RILPL2: variants seen among roughly 807,000 people sequenced by gnomAD.
RILPL2 encodes Rab interacting lysosomal protein like 2, also known as RILP-like protein 2.
A neutral mutation model predicts 22.2 loss-of-function variants in RILPL2; 19 were observed. That is an observed-to-expected ratio of 0.86 (90% CI 0.60 to 1.25). The LOEUF is 1.25. Among genes scored for constraint, RILPL2 ranks in the 50% most tolerant of loss-of-function variants. RILPL2 has a pLI of 0.00. For synonymous variants in RILPL2, 123 were observed against 111.6 expected (o/e 1.10, Z -0.64); for missense variants, 243 against 263.6 (o/e 0.92, Z 0.54).
chr12:123,423,025 G>A lies in RILPL2; in HGVS notation c.605+19C>T, dbSNP rs1446265455. 8 of 1,546,498 alleles carry A rather than the reference G, an allele frequency of 5.2e-6. No individual in the cohort carries two copies. The highest frequency in any genetic ancestry group is 2.7e-5 in the African/African-American group (2 of 73,452). On this transcript the variant is annotated intron_variant, in intron 3 of 3. Transcript: ENST00000280571. ...AGTTATTATTTGGCGGGACCGGGGG[G>A]CAGCAAGGTGACACTTACAGCTTTT...
Position 123,436,338 on chromosome 12 carries a change from G to C in RILPL2, c.83C>G (p.Ala28Gly), listed in dbSNP as rs1390294836. 2 of 1,564,668 alleles carry C rather than the reference G, an allele frequency of 1.3e-6. No homozygotes were observed. Among genetic ancestry groups the C allele is most frequent in the South Asian group, 2.3e-5 (2 of 85,328 alleles). The change falls in exon 1 of 4, where the codon GCG becomes GGG. Residue 28 changes from alanine to glycine, a missense_variant. Coordinates refer to ENST00000280571, the MANE Select transcript of RILPL2 (RefSeq NM_145058.3). This position sits in a 1 kb window ranked among gnomAD's most constrained non-coding sequence, Gnocchi z 6.7. Reference protein sequence around the residue: ...EERDEVGPEGALGKSPFQLTA... With the variant: ...EERDEVGPEGGLGKSPFQLTA... ...CAGCTGGAAGGGGCTCTTGCCCAGC[G>C]CCCCCTCGGGCCCAACCTCGTCCCT...
chr12:123,436,037 G>A lies in RILPL2; in HGVS notation c.339+45C>T, dbSNP rs749383492. ...TCCCTGCCAGTAGGTGCCCTCCTAC[G>A]CCCCGCAGGCGCCGTGGGCCCGGAA... On this transcript the variant is annotated intron_variant, in intron 1 of 3. Transcript: ENST00000280571. This position sits in a 1 kb window ranked among gnomAD's most constrained non-coding sequence, Gnocchi z 6.7. 6 of 1,540,028 alleles carry A rather than the reference G, an allele frequency of 3.9e-6. No homozygotes were observed. The East Asian group carries it at 9.8e-5, about 25-fold the overall frequency.
Position 123,436,567 on chromosome 12 carries a change from G to C in RILPL2, c.-147C>G. On this transcript the variant is annotated 5_prime_UTR_variant, in exon 1 of 4. Coordinates refer to ENST00000280571, the MANE Select transcript of RILPL2 (RefSeq NM_145058.3). This position sits in a 1 kb window ranked among gnomAD's most constrained non-coding sequence, Gnocchi z 6.7. ...CCGGGGGTGGGCCCGGGGGGATGGT[G>C]CAAGGGGCCGCGCACGCGACTCTTG... 1 of 1,296,352 alleles carries C rather than the reference G, an allele frequency of 7.7e-7. No individual in the cohort carries two copies. Among genetic ancestry groups the C allele is most frequent in the Non-Finnish European group, 1.0e-6 (1 of 972,858 alleles). 80.3% of individuals were successfully genotyped at this position (1,296,352 alleles called of 1,614,324 possible).
chr12:123,428,366 G>C (rs1879502988), intron 2 of RILPL2, among the ~76,000 whole-genome samples: 2 of 151,962 alleles, frequency 1.3e-5, no homozygotes, highest in Non-Finnish European at 2.9e-5. Flanking sequence ...TCGATCTCCT[G>C]ACCTTGTGAT....
In RILPL2 at chr12:123,436,123, C is replaced by T. The variant is rs1233864740; in HGVS notation, c.298G>A (p.Val100Met). ...GGGCTCTGTCTCCGCAGCCCCTCCA[C>T]CTCCTTCCTGAGGTGGTCCCTCTCC... is the stretch of plus-strand genomic sequence containing the variant. ...KMERDHLRKEVEGLRRQSPPA... is the reference protein window; with the variant it reads ...KMERDHLRKEMEGLRRQSPPA... Residue 100 changes from valine to methionine, a missense_variant, in exon 1 of 4, where the codon GTG becomes ATG. By Grantham distance (21) the Val-to-Met change is conservative. Transcript: ENST00000280571. The surrounding 1 kb of genome is among the most constrained non-coding windows in gnomAD (Gnocchi z 6.7). 1.3e-6 allele frequency: 2 copies of T among 1,593,068 alleles called. No individual in the cohort carries two copies. The highest frequency in any genetic ancestry group is 2.3e-5 in the East Asian group (1 of 43,400).
chr12:123,434,128 T>A lies in RILPL2; in HGVS notation c.339+1954A>T, dbSNP rs748849559. On this transcript the variant is annotated intron_variant, in intron 1 of 3. Coordinates refer to ENST00000280571, the MANE Select transcript of RILPL2 (RefSeq NM_145058.3). The stretch of plus-strand genomic sequence containing the variant: ...AATTAATGAGTTTCGACAAGAATTT[T>A]AAAAACTAGGCTGGGCATGGTGGCT... 7.9e-4 allele frequency among the ~76,000 whole-genome samples: 120 copies of A among 152,222 alleles called. 1 individual carries two copies. Among genetic ancestry groups the A allele is most frequent in the Non-Finnish European group, 4.0e-4 (27 of 68,016 alleles).
chr12:123,432,821 T>C (rs1346100089), intron 1 of RILPL2, among the ~76,000 whole-genome samples: 1 of 152,188 alleles, frequency 6.6e-6, no homozygotes, highest in Non-Finnish European at 1.5e-5. Context: ...TTAACTTTCC[T>C]TGACTCTCAA....
intron 1 of RILPL2, among the ~76,000 whole-genome samples, chr12:123,435,130 A>C (rs1456687467): frequency 1.3e-5 from 2 of 151,790 alleles, no homozygotes; most frequent in East Asian, 3.9e-4. Flanking sequence ...CAGTGAGTCG[A>C]GGTCACGCCA....
intron 2 of RILPL2, among the ~76,000 whole-genome samples, chr12:123,425,290 C>T (rs1253219176): frequency 6.6e-6 from 1 of 152,082 alleles, no homozygotes; most frequent in Non-Finnish European, 1.5e-5. Flanking sequence ...GATTCTCCTG[C>T]CTCAGCCTCC....
chr12:123,434,412 C>A (rs531904731), intron 1 of RILPL2, among the ~76,000 whole-genome samples: 2 of 151,772 alleles, frequency 1.3e-5, no homozygotes, highest in East Asian at 3.9e-4. Flanking sequence ...AGAAAGCTGT[C>A]CCCGCAAAAA....
intron 1 of RILPL2, among the ~76,000 whole-genome samples, chr12:123,433,128 G>A (rs116523204): frequency 0.029 from 4,104 of 141,158 alleles, 106 homozygotes; most frequent in African/African-American, 0.072. Flanking sequence ...TTTTTGAGAC[G>A]AAGTCGTCTC....
At position 123,436,580 on chromosome 12, in the gene RILPL2, C is replaced by A; in HGVS notation, c.-160G>T. ...CGGGGGGATGGTGCAAGGGGCCGCG[C>A]ACGCGACTCTTGGGCCTGCGCCCCG... On this transcript the variant is annotated 5_prime_UTR_variant, in exon 1 of 4. Transcript: ENST00000280571. The surrounding 1 kb of genome is among the most constrained non-coding windows in gnomAD (Gnocchi z 6.7). 1 of 1,202,948 alleles carries A rather than the reference C, an allele frequency of 8.3e-7. No homozygotes were observed. The highest frequency in any genetic ancestry group is 1.1e-6 in the Non-Finnish European group (1 of 888,548). 74.5% of individuals were successfully genotyped at this position (1,202,948 alleles called of 1,614,324 possible). A position where few individuals can be genotyped will look rare whatever the true frequency, so the allele number is the denominator to read the frequency against.
intron 1 of RILPL2, among the ~76,000 whole-genome samples, chr12:123,434,085 C>A (rs1055472755): frequency 6.6e-6 from 1 of 152,036 alleles, no homozygotes; most frequent in South Asian, 2.1e-4. Flanking sequence ...TGGCTGGAGA[C>A]CTGCTAGTAG....
chr12:123,419,051 C>T lies in RILPL2; in HGVS notation c.606-3130G>A, dbSNP rs549405935. Reference sequence around the variant, plus strand: ...TTTGAGACGGAGTCTCGCTCTGTCACTCAGGCTGGAGTGCAGTGGCACGAT... The same window carrying T: ...TTTGAGACGGAGTCTCGCTCTGTCATTCAGGCTGGAGTGCAGTGGCACGAT... On this transcript the variant is annotated intron_variant, in intron 3 of 3. Transcript: ENST00000280571. 8.9e-4 allele frequency among the ~76,000 whole-genome samples: 129 copies of T among 145,656 alleles called. 1 individual carries two copies. Among genetic ancestry groups the T allele is most frequent in the Admixed American group, 6.2e-3 (90 of 14,434 alleles).
intron 1 of RILPL2, among the ~76,000 whole-genome samples, chr12:123,434,816 TCC>T (rs1566094367): frequency 6.6e-6 from 1 of 151,812 alleles, no homozygotes; most frequent in South Asian, 2.1e-4. Context: ...TCCCTTCTTT[TCC>T]CCCCACCACC....
intron 3 of RILPL2, 49 bp downstream of exon 3, chr12:123,422,995 C>T (rs755280893): frequency 7.3e-6 from 10 of 1,369,904 alleles, no homozygotes; most frequent in Non-Finnish European, 1.0e-5. Flanking sequence ...CCGACTACTT[C>T]CTTGAGTTAT....
chr12:123,423,373 T>C (rs1879344584), intron 2 of RILPL2, among the ~76,000 whole-genome samples: 1 of 151,750 alleles, frequency 6.6e-6, no homozygotes. Flanking sequence ...GGCTAATTTT[T>C]GTATTTTTAG....
At chr12:123,425,193 T>G (rs531545472) in intron 2 of RILPL2, among the ~76,000 whole-genome samples, 1 of 152,080 alleles carries the variant, frequency 6.6e-6, no homozygotes, top group East Asian at 1.9e-4. Flanking sequence ...ATTTTTTTTT[T>G]GAGATGGAGT....
chr12:123,422,037 CTG>C (rs1347564286), intron 3 of RILPL2, among the ~76,000 whole-genome samples: 1 of 147,416 alleles, frequency 6.8e-6, no homozygotes, highest in Non-Finnish European at 1.5e-5. Context: ...GGGTCACGCT[CTG>C]TTACCCAGGC....
Sources: allele counts gnomAD v4.1 joint callset (sites outside exome capture counted in the v4.1 genomes callset), GRCh38; gene constraint gnomAD v4.1.1; non-coding constraint Gnocchi (gnomAD v3.1); transcripts MANE v1.5; gene names NCBI Gene and HGNC (gene_info 2026-07-23, HGNC 2026-07-21).